The following NDST4 variants were observed in gnomAD, a reference collection of about 807,000 sequenced individuals.
NDST4 encodes N-deacetylase and N-sulfotransferase 4, also known as N-heparan sulfate sulfotransferase 4.
Under a neutral mutation model 100.8 loss-of-function variants are expected in NDST4, and 63 were observed. That is an observed-to-expected ratio of 0.62 (90% CI 0.51 to 0.77). The LOEUF (loss-of-function observed/expected upper bound fraction) is 0.77. Among genes scored for constraint, NDST4 ranks in the 30% least tolerant of loss-of-function variants. The pLI is 0.00. For synonymous variants in NDST4, 377 were observed against 361.8 expected, an observed-to-expected ratio of 1.04 and a Z score of -0.48; for missense variants, 943 against 1,018.4, an observed-to-expected ratio of 0.93 and a Z score of 1.01.
intron 6 of NDST4, among the ~76,000 whole-genome samples, chr4:114,921,933 T>TCC (rs1725296182): frequency 6.6e-6 from 1 of 152,042 alleles, no homozygotes; most frequent in Non-Finnish European, 1.5e-5. Context: ...TTGACTCCTC[T>TCC]CCCCTGTTCT....
chr4:115,063,352 G>T (rs1173787647), intron 2 of NDST4, among the ~76,000 whole-genome samples: 1 of 151,832 alleles, frequency 6.6e-6, no homozygotes, highest in African/African-American at 2.4e-5. Context: ...AAAAATAAAA[G>T]ACAATGTCTA....
chr4:114,926,884 G>C (rs189074114), intron 6 of NDST4, among the ~76,000 whole-genome samples: 1 of 152,170 alleles, frequency 6.6e-6, no homozygotes, highest in East Asian at 1.9e-4. Flanking sequence ...GTACTCTAGA[G>C]GGGAAAATTC....
At chr4:114,910,096 G>A (rs1725033521) in intron 6 of NDST4, among the ~76,000 whole-genome samples, 1 of 152,122 alleles carries the variant, frequency 6.6e-6, no homozygotes. Context: ...CTGGAAAAAA[G>A]ATACTATGAG....
intron 3 of NDST4, among the ~76,000 whole-genome samples, chr4:114,975,895 C>T (rs1726622470): frequency 1.3e-5 from 2 of 152,068 alleles, no homozygotes; most frequent in Non-Finnish European, 2.9e-5. Flanking sequence ...AAAACCATGT[C>T]TATTTTCAAA....
intron 4 of NDST4, among the ~76,000 whole-genome samples, chr4:114,944,976 G>A (rs1168602432): frequency 2.0e-5 from 3 of 151,944 alleles, no homozygotes; most frequent in Non-Finnish European, 4.4e-5. Flanking sequence ...TTGGGAGGCC[G>A]AGGCAGGCGG....
chr4:114,934,522 C>A, intron 6 of NDST4, among the ~76,000 whole-genome samples: 1 of 150,212 alleles, frequency 6.7e-6, no homozygotes, highest in Non-Finnish European at 1.5e-5. Context: ...CCACTGCACT[C>A]CAGCCTGGGC....
chr4:114,897,268 T>C (rs1724735696), intron 6 of NDST4, among the ~76,000 whole-genome samples: 1 of 152,180 alleles, frequency 6.6e-6, no homozygotes, highest in Non-Finnish European at 1.5e-5. Context: ...CTGGCAGGCA[T>C]TGATCTTTTT....
intron 1 of NDST4, among the ~76,000 whole-genome samples, chr4:115,105,257 A>C (rs541310452): frequency 2.2e-4 from 33 of 152,294 alleles, no homozygotes; most frequent in African/African-American, 6.7e-4. Context: ...ATGGAAAGCA[A>C]AATTATTTTT....
chr4:114,985,432 C>CA (rs1210274289), intron 2 of NDST4, among the ~76,000 whole-genome samples: 1 of 152,044 alleles, frequency 6.6e-6, no homozygotes, highest in East Asian at 1.9e-4. Context: ...TGGAGAATGG[C>CA]AAAAATAATA....
chr4:114,939,796 T>C (rs1725709562), intron 4 of NDST4, among the ~76,000 whole-genome samples: 1 of 152,092 alleles, frequency 6.6e-6, no homozygotes, highest in African/African-American at 2.4e-5. Flanking sequence ...GTTCATAAGG[T>C]CATCTTATCA....
intron 4 of NDST4, among the ~76,000 whole-genome samples, chr4:114,959,427 G>A (rs1252629631): frequency 6.6e-6 from 1 of 152,122 alleles, no homozygotes; most frequent in Non-Finnish European, 1.5e-5. Context: ...AGTTTCACAT[G>A]GCTGAGAAAG....
At chr4:115,065,780 G>A (rs767079319) in intron 2 of NDST4, among the ~76,000 whole-genome samples, 1 of 152,082 alleles carries the variant, frequency 6.6e-6, no homozygotes, top group Non-Finnish European at 1.5e-5. Flanking sequence ...TTCTATAACA[G>A]AATAGGGGAT....
Position 115,022,340 on chromosome 4 carries a change from C to T in NDST4, c.979-45066G>A, listed in dbSNP as rs78190846. On this transcript the variant is annotated intron_variant, in intron 2 of 13. Coordinates refer to ENST00000264363, the MANE Select transcript of NDST4 (RefSeq NM_022569.3). ...GTGTTCCACATACATATGTGTTCCACGTACATATGTGTTCCACGTACATAT... is the reference window on the plus strand; with the variant it reads ...GTGTTCCACATACATATGTGTTCCATGTACATATGTGTTCCACGTACATAT... Among the ~76,000 whole-genome samples, 12 of 134,522 alleles carry T rather than the reference C, an allele frequency of 8.9e-5. 1 individual carries two copies. The highest frequency in any genetic ancestry group is 6.3e-4 in the East Asian group (3 of 4,770). 88.3% of individuals were successfully genotyped at this position (134,522 alleles called of 152,430 possible).
intron 2 of NDST4, among the ~76,000 whole-genome samples, chr4:114,987,904 G>A: frequency 6.6e-6 from 1 of 152,142 alleles, no homozygotes; most frequent in Non-Finnish European, 1.5e-5. Flanking sequence ...CTCCTCTATT[G>A]AATATAGTTT....
At chr4:115,048,612 C>T (rs568713) in intron 2 of NDST4, among the ~76,000 whole-genome samples, 39,966 of 147,888 alleles carry the variant, frequency 0.27, 7,633 homozygotes, top group African/African-American at 0.53. Context: ...GTGCGTGCAG[C>T]AAAAATTTTG....
intron 3 of NDST4, among the ~76,000 whole-genome samples, chr4:114,971,388 C>A (rs1726511075): frequency 6.6e-6 from 1 of 151,760 alleles, no homozygotes; most frequent in South Asian, 2.1e-4. Context: ...CATTGTTATG[C>A]CACAGTTAAG....
intron 2 of NDST4, among the ~76,000 whole-genome samples, chr4:114,979,617 A>G (rs1301498230): frequency 1.3e-5 from 2 of 151,984 alleles, no homozygotes; most frequent in African/African-American, 4.8e-5. Flanking sequence ...GATAGGATCT[A>G]GCATTTCACC....
intron 2 of NDST4, among the ~76,000 whole-genome samples, chr4:115,037,563 T>C (rs2126272541): frequency 6.6e-6 from 1 of 152,268 alleles, no homozygotes; most frequent in South Asian, 2.1e-4. Context: ...AATATGTATG[T>C]ATCTACCTTT....
chr4:115,085,441 A>G (rs924162241), intron 1 of NDST4, among the ~76,000 whole-genome samples: 4 of 152,122 alleles, frequency 2.6e-5, no homozygotes, highest in Non-Finnish European at 5.9e-5. Flanking sequence ...GGGCAGGGCC[A>G]TAATAATATG....
Sources: gnomAD v4.1 joint callset for allele counts (sites outside exome capture counted in the v4.1 genomes callset) on GRCh38, gnomAD v4.1.1 for gene constraint, MANE v1.5 for transcripts, NCBI Gene and HGNC (gene_info 2026-07-23, HGNC 2026-07-21) for gene names.